The following NXPH1 variants were observed in gnomAD, a reference collection of about 807,000 sequenced individuals.
NXPH1 encodes neurexophilin-1.
Under a neutral mutation model 23.7 loss-of-function variants are expected in NXPH1, and 5 were observed. The observed-to-expected ratio is 0.21, with a 90% confidence interval of 0.11 to 0.44. The LOEUF (loss-of-function observed/expected upper bound fraction) is 0.44. Ranked by LOEUF, NXPH1 falls within the 20% of genes least tolerant of loss-of-function variation. The probability of loss-of-function intolerance (pLI) is 0.99; values close to 1 mark genes in which losing one functional copy is unlikely to be tolerated. For synonymous variants in NXPH1, 144 were observed against 122.2 expected, an observed-to-expected ratio of 1.18 and a Z score of -1.18; for missense variants, 324 against 321.6, an observed-to-expected ratio of 1.01 and a Z score of -0.06.
At chr7:8,686,858 G>A (rs535263994) in intron 2 of NXPH1, among the ~76,000 whole-genome samples, 2 of 152,128 alleles carry the variant, frequency 1.3e-5, no homozygotes, top group East Asian at 3.9e-4. Flanking sequence ...CTGTATTTAT[G>A]GCCAAGGATG....
intron 2 of NXPH1, among the ~76,000 whole-genome samples, chr7:8,716,097 C>T (rs1168079755): frequency 6.6e-6 from 1 of 152,022 alleles, no homozygotes; most frequent in Non-Finnish European, 1.5e-5. Flanking sequence ...GGTGAAAAAG[C>T]CAGCATCTTT....
At chr7:8,626,386 T>G (rs1178539754) in intron 2 of NXPH1, among the ~76,000 whole-genome samples, 5 of 147,030 alleles carry the variant, frequency 3.4e-5, no homozygotes, top group Non-Finnish European at 7.5e-5. Context: ...GCAGTTTACT[T>G]TTTTTTTTTT....
rs1263198979 is a variant in NXPH1 at position 8,721,157 on chromosome 7, G to T, written c.55-29851G>T. Among the ~76,000 whole-genome samples, 11 of 152,106 alleles carry T rather than the reference G, an allele frequency of 7.2e-5. No individual in the cohort carries two copies. In the South Asian group the frequency reaches 2.3e-3, roughly 32 times the overall value. On this transcript the variant is annotated intron_variant, in intron 2 of 2. Coordinates refer to ENST00000405863, the MANE Select transcript of NXPH1 (RefSeq NM_152745.3). Reference sequence around the variant, plus strand: ...CATAAGATAATATAATTTTCTTAGGGTCTACTCCAGGACCTGCTTAAGGGT... The same window carrying T: ...CATAAGATAATATAATTTTCTTAGGTTCTACTCCAGGACCTGCTTAAGGGT...
At position 8,710,818 on chromosome 7, in the gene NXPH1, G is replaced by A. The variant is rs796927594; in HGVS notation, c.55-40190G>A. On this transcript the variant is annotated intron_variant, in intron 2 of 2. Coordinates refer to ENST00000405863, the MANE Select transcript of NXPH1 (RefSeq NM_152745.3). ...GCTGGGACTACAGGCGCCCGCCACC[G>A]CGCCCGGCTAATTTTTTGTATTTTT... Among the ~76,000 whole-genome samples the A allele has an allele frequency of 6.3e-4, 86 of 136,842 alleles. 7 individuals carry two copies. Among genetic ancestry groups the A allele is most frequent in the South Asian group, 2.1e-3 (9 of 4,214 alleles). The allele number at this position is 136,842 out of a possible 152,430, so 89.8% of individuals were successfully genotyped here.
rs76994953 is a variant in NXPH1, at chr7:8,715,593, C to T, written c.55-35415C>T. ...GTTGCTATAATCAGTTATAAAAAGG[C>T]AAAAATGCCAAAGTTATTGTTTCTT... On this transcript the variant is annotated intron_variant, in intron 2 of 2. Coordinates refer to ENST00000405863, the MANE Select transcript of NXPH1 (RefSeq NM_152745.3). Among the ~76,000 whole-genome samples, 1,149 of 152,030 alleles carry T rather than the reference C, an allele frequency of 7.6e-3. 16 individuals carry two copies. Among genetic ancestry groups the T allele is most frequent in the African/African-American group, 0.026 (1,062 of 41,462 alleles).
intron 2 of NXPH1, among the ~76,000 whole-genome samples, chr7:8,691,857 A>G (rs1204147310): frequency 6.6e-6 from 1 of 152,180 alleles, no homozygotes; most frequent in Admixed American, 6.5e-5. Context: ...ATCAGAGACT[A>G]TCAAGTGCTA....
At position 8,663,147 on chromosome 7, in the gene NXPH1, G is replaced by C. The variant is rs117406473; in HGVS notation, c.55-87861G>C. On this transcript the variant is annotated intron_variant, in intron 2 of 2. Transcript: ENST00000405863. ...CTCTGGGCTTAAAATTGAGATATTG[G>C]AGTCATTTAGTATACATGGAGTCAA... Among the ~76,000 whole-genome samples the C allele has an allele frequency of 3.0e-4, 46 of 152,126 alleles. No individual in the cohort carries two copies. In the East Asian group the frequency reaches 8.7e-3, roughly 29 times the overall value.
rs893379237 is a variant in NXPH1 at position 8,751,872 on chromosome 7, A to T, written c.*103A>T. 5.4e-6 allele frequency: 6 copies of T among 1,113,240 alleles called. No individual in the cohort carries two copies. The highest frequency in any genetic ancestry group is 7.5e-6 in the Non-Finnish European group (6 of 802,416). 69.0% of individuals were successfully genotyped at this position (1,113,240 alleles called of 1,614,324 possible). Reference sequence around the variant, plus strand: ...CACATCTGTTGCCTGGAATGTGTCTACACTGCTGCTCTTGTCAACTGGCTG... The same window carrying T: ...CACATCTGTTGCCTGGAATGTGTCTTCACTGCTGCTCTTGTCAACTGGCTG... On this transcript the variant is annotated 3_prime_UTR_variant, in exon 3 of 3. Transcript: ENST00000405863. This position sits in a 1 kb window ranked among gnomAD's most constrained non-coding sequence, Gnocchi z 4.5.
intron 2 of NXPH1, among the ~76,000 whole-genome samples, chr7:8,667,922 T>C (rs1440849365): frequency 6.6e-6 from 1 of 152,118 alleles, no homozygotes; most frequent in Non-Finnish European, 1.5e-5. Flanking sequence ...AAATAAACTG[T>C]TTTCGAGTTC....
chr7:8,498,427 CA>C (rs1395129194), intron 2 of NXPH1, among the ~76,000 whole-genome samples: 32 of 152,044 alleles, frequency 2.1e-4, no homozygotes, highest in Non-Finnish European at 5.9e-5. Flanking sequence ...ACTGGTTTAT[CA>C]GTCCCTCTAT....
At chr7:8,677,823 T>C (rs1820977084) in intron 2 of NXPH1, among the ~76,000 whole-genome samples, 1 of 62,074 alleles carries the variant, frequency 1.6e-5, no homozygotes, top group South Asian at 7.0e-4. Flanking sequence ...GAAGTTTATT[T>C]GAAACTTATA....
intron 2 of NXPH1, among the ~76,000 whole-genome samples, chr7:8,636,547 G>T (rs1420580937): frequency 6.6e-6 from 1 of 152,170 alleles, no homozygotes; most frequent in Non-Finnish European, 1.5e-5. Context: ...GCAAACCAAG[G>T]ATAGCAAATT....
At chr7:8,594,999 C>G (rs913701695) in intron 2 of NXPH1, among the ~76,000 whole-genome samples, 1 of 151,980 alleles carries the variant, frequency 6.6e-6, no homozygotes, top group African/African-American at 2.4e-5. Context: ...CCTGACAAAG[C>G]TACCGAGGTT....
intron 2 of NXPH1, among the ~76,000 whole-genome samples, chr7:8,589,840 C>G (rs1819055600): frequency 2.0e-5 from 3 of 151,988 alleles, no homozygotes; most frequent in Non-Finnish European, 4.4e-5. Flanking sequence ...CATCCAATAA[C>G]CACCATCTAA....
chr7:8,603,572 T>C (rs770490987), intron 2 of NXPH1, among the ~76,000 whole-genome samples: 17 of 152,196 alleles, frequency 1.1e-4, no homozygotes, highest in Non-Finnish European at 7.4e-5. Flanking sequence ...CTATCATTTG[T>C]TTAGCTTTTC....
chr7:8,467,527 T>C (rs1344607884), intron 2 of NXPH1, among the ~76,000 whole-genome samples: 1 of 152,222 alleles, frequency 6.6e-6, no homozygotes, highest in Non-Finnish European at 1.5e-5. Context: ...CTTTATGTTG[T>C]TAACTTTCTA....
At chr7:8,732,384 C>A (rs1209943616) in intron 2 of NXPH1, among the ~76,000 whole-genome samples, 3 of 152,194 alleles carry the variant, frequency 2.0e-5, no homozygotes, top group Non-Finnish European at 2.9e-5. Flanking sequence ...TTGTTTCATT[C>A]TAGACAGAGT....
At chr7:8,505,002 G>T (rs1350014862) in intron 2 of NXPH1, among the ~76,000 whole-genome samples, 6 of 152,048 alleles carry the variant, frequency 3.9e-5, no homozygotes, top group Non-Finnish European at 8.8e-5. Flanking sequence ...CAGTTTGAAT[G>T]CCCTGCTAGC....
chr7:8,630,434 A>G (rs1365011158), intron 2 of NXPH1, among the ~76,000 whole-genome samples: 1 of 152,148 alleles, frequency 6.6e-6, no homozygotes, highest in African/African-American at 2.4e-5. Flanking sequence ...AAGTTGCAAT[A>G]CATTCCCACC....
Sources: allele counts gnomAD v4.1 joint callset (sites outside exome capture counted in the v4.1 genomes callset), GRCh38; gene constraint gnomAD v4.1.1; non-coding constraint Gnocchi (gnomAD v3.1); transcripts MANE v1.5; gene names NCBI Gene and HGNC (gene_info 2026-07-23, HGNC 2026-07-21).